USH2A: variants seen among roughly 807,000 people sequenced by gnomAD.
USH2A encodes usherin, also known as Usher syndrome 2A (autosomal recessive, mild).
USH2A carries 443 observed loss-of-function variants against 538.9 expected under a neutral mutation model. That is an observed-to-expected ratio of 0.82 (90% CI 0.76 to 0.89). The LOEUF (loss-of-function observed/expected upper bound fraction) is 0.89. Ranked by LOEUF, USH2A falls within the 40% of genes least tolerant of loss-of-function variation. USH2A has a pLI of 0.00. For missense variants in USH2A, 6,633 were observed against 6,324.8 expected, an observed-to-expected ratio of 1.05 and a Z score of -1.65; for synonymous variants, 2,413 against 2,273.5, an observed-to-expected ratio of 1.06 and a Z score of -1.75.
chr1:216,317,809 T>C (rs2037536932), intron 9 of USH2A, among the ~76,000 whole-genome samples: 1 of 152,002 alleles, frequency 6.6e-6, no homozygotes, highest in Non-Finnish European at 1.5e-5. Flanking sequence ...GCCAAGATCA[T>C]GCCACTGCAC....
At chr1:215,836,199 T>A (rs1328928381) in intron 47 of USH2A, among the ~76,000 whole-genome samples, 1 of 151,642 alleles carries the variant, frequency 6.6e-6, no homozygotes, top group Non-Finnish European at 1.5e-5. Context: ...CCCACCTAAC[T>A]ATAATTCTTC....
intron 30 of USH2A, among the ~76,000 whole-genome samples, chr1:216,055,586 C>T (rs1486531526): frequency 6.6e-6 from 1 of 152,208 alleles, no homozygotes; most frequent in African/African-American, 2.4e-5. Flanking sequence ...GACATTTTGA[C>T]ACAGTGATCC....
chr1:215,958,252 A>C (rs778853993), intron 37 of USH2A, among the ~76,000 whole-genome samples: 1 of 152,140 alleles, frequency 6.6e-6, no homozygotes, highest in Non-Finnish European at 1.5e-5. Flanking sequence ...TTGAAAAATC[A>C]ACTGCATTTC....
At chr1:215,781,603 G>A (rs922178767) in intron 54 of USH2A, among the ~76,000 whole-genome samples, 4 of 152,028 alleles carry the variant, frequency 2.6e-5, no homozygotes, top group Non-Finnish European at 4.4e-5. Context: ...ATAGCAGAAG[G>A]CTTGGAACAA....
Position 215,675,468 on chromosome 1 carries a change from A to G in USH2A, c.12443T>C (p.Leu4148Pro), listed in dbSNP as rs886042767. The change falls in exon 63 of 72, where the codon CTG becomes CCG. Residue 4148 changes from leucine to proline, a missense_variant. By Grantham distance (98) the Leu-to-Pro change is moderately conservative (BLOSUM62 -3). Transcript: ENST00000307340. ...AGCAHSAPQP[L>P]WTDEAPPDSQ... ...GTCTGGAGGGGCTTCATCTGTCCAC[A>G]GAGGCTGAGGCGCCGAGTGTGCACA... 1 of 1,614,100 alleles carries G rather than the reference A, an allele frequency of 6.2e-7. No individual in the cohort carries two copies.
chr1:215,631,688 G>A (rs936882797), intron 70 of USH2A, among the ~76,000 whole-genome samples: 9 of 152,212 alleles, frequency 5.9e-5, no homozygotes, highest in African/African-American at 1.9e-4. Flanking sequence ...GGATGAGCCA[G>A]TTCCCTGGGC....
intron 26 of USH2A, among the ~76,000 whole-genome samples, chr1:216,082,848 G>A (rs372866787): frequency 1.4e-4 from 21 of 152,184 alleles, no homozygotes; most frequent in African/African-American, 4.8e-4. Context: ...AAACAATGTT[G>A]AGTGCTAAAG....
intron 3 of USH2A, among the ~76,000 whole-genome samples, chr1:216,370,508 T>C (rs1327749284): frequency 1.3e-5 from 2 of 151,516 alleles, no homozygotes; most frequent in African/African-American, 2.4e-5. Flanking sequence ...GGTGAAACCC[T>C]GTCCCTGCTA....
At chr1:216,228,948 C>T (rs910626892) in intron 14 of USH2A, among the ~76,000 whole-genome samples, 8 of 152,008 alleles carry the variant, frequency 5.3e-5, no homozygotes, top group East Asian at 3.9e-4. Context: ...CCGAGGTGGG[C>T]GGATCACGAG....
intron 21 of USH2A, among the ~76,000 whole-genome samples, chr1:216,135,027 C>G (rs1558276488): frequency 6.6e-6 from 1 of 151,862 alleles, no homozygotes; most frequent in Non-Finnish European, 1.5e-5. Flanking sequence ...GTAGTTGATT[C>G]AAAGAAAGAG....
chr1:216,147,817 G>A (rs2033742195), intron 21 of USH2A, among the ~76,000 whole-genome samples: 1 of 151,524 alleles, frequency 6.6e-6, no homozygotes, highest in East Asian at 2.0e-4. Context: ...CCAGGAGCTT[G>A]CTACACGTGC....
intron 13 of USH2A, among the ~76,000 whole-genome samples, chr1:216,233,491 AT>A (rs1433906653): frequency 1.3e-5 from 2 of 152,110 alleles, no homozygotes; most frequent in African/African-American, 4.8e-5. Flanking sequence ...CAGAAAACCC[AT>A]CTGCTTCATT....
At chr1:216,022,322 C>A (rs1349165084) in intron 32 of USH2A, among the ~76,000 whole-genome samples, 2 of 152,040 alleles carry the variant, frequency 1.3e-5, no homozygotes, top group Admixed American at 6.6e-5. Context: ...GGGGGACAGT[C>A]ATGGAAAGAG....
chr1:216,140,445 T>C (rs1336748173), intron 21 of USH2A, among the ~76,000 whole-genome samples: 2 of 152,168 alleles, frequency 1.3e-5, no homozygotes, highest in East Asian at 3.9e-4. Context: ...TAATTTATTG[T>C]TTTCAATAAA....
chr1:216,227,698 G>A (rs2035589174), intron 14 of USH2A, among the ~76,000 whole-genome samples: 1 of 152,162 alleles, frequency 6.6e-6, no homozygotes, highest in South Asian at 2.1e-4. Flanking sequence ...AAGATAATCT[G>A]GAGATACATA....
chr1:216,417,520 G>A (rs1276247109), intron 3 of USH2A, among the ~76,000 whole-genome samples: 4 of 152,038 alleles, frequency 2.6e-5, no homozygotes, highest in African/African-American at 9.7e-5. Context: ...ACATGTAGAC[G>A]TTTTCTCATC....
chr1:215,707,227 G>C (rs1315403029), intron 61 of USH2A, among the ~76,000 whole-genome samples: 1 of 152,308 alleles, frequency 6.6e-6, no homozygotes, highest in African/African-American at 2.4e-5. Context: ...ATGATCTGCT[G>C]TCTCATATGT....
intron 11 of USH2A, among the ~76,000 whole-genome samples, chr1:216,288,566 A>G (rs923800453): frequency 6.6e-6 from 1 of 152,154 alleles, no homozygotes; most frequent in Admixed American, 6.5e-5. Context: ...TTTATTCATA[A>G]CAGAGTATAT....
chr1:216,113,542 C>T (rs1020734146), intron 21 of USH2A, among the ~76,000 whole-genome samples: 1 of 152,102 alleles, frequency 6.6e-6, no homozygotes, highest in Non-Finnish European at 1.5e-5. Flanking sequence ...TTTGTATTTA[C>T]AAGATGAATA....
Sources: allele counts gnomAD v4.1 joint callset (sites outside exome capture counted in the v4.1 genomes callset), GRCh38; gene constraint gnomAD v4.1.1; transcripts MANE v1.5; gene names NCBI Gene and HGNC (gene_info 2026-07-23, HGNC 2026-07-21).